Variants in ASAP2 observed in about 807,000 individuals in gnomAD.
The protein encoded by ASAP2 is ArfGAP with SH3 domain, ankyrin repeat and PH domain 2, also known as arf-GAP with SH3 domain, ANK repeat and PH domain-containing protein 2.
In ASAP2, 45 loss-of-function variants were observed where a neutral mutation model predicts 131.4. The observed-to-expected ratio is 0.34, with a 90% CI of 0.27 to 0.44. ASAP2 has a LOEUF of 0.44. Among genes scored for constraint, ASAP2 ranks in the 20% least tolerant of loss-of-function variants. The pLI is 1.00. For missense variants in ASAP2, 1,011 were observed against 1,297.0 expected, an observed-to-expected ratio of 0.78 and a Z score of 3.39; for synonymous variants, 510 against 503.0, an observed-to-expected ratio of 1.01 and a Z score of -0.19.
rs573291377 is a variant in ASAP2, at chr2:9,398,623, C to T, written c.2685-1400C>T. On this transcript the variant is annotated intron_variant, in intron 24 of 27. Coordinates refer to ENST00000281419, the MANE Select transcript of ASAP2 (RefSeq NM_003887.3). The stretch of plus-strand genomic sequence containing the variant: ...AGGAGTTTGAGACCAGCCTGGCCCA[C>T]ATGGTGAAACCCCGTCTCTACTGAA... 4.5e-4 allele frequency among the ~76,000 whole-genome samples: 68 copies of T among 152,206 alleles called. 2 individuals are homozygous for T. Among genetic ancestry groups the T allele is most frequent in the African/African-American group, 1.6e-3 (68 of 41,524 alleles).
At chr2:9,317,316 C>T (rs1294980847) in intron 3 of ASAP2, among the ~76,000 whole-genome samples, 1 of 111,330 alleles carries the variant, frequency 9.0e-6, no homozygotes, top group Non-Finnish European at 1.9e-5. Flanking sequence ...CCCACATCCA[C>T]TCACACAATC....
intron 1 of ASAP2, among the ~76,000 whole-genome samples, chr2:9,265,516 T>G (rs937580396): frequency 2.0e-5 from 3 of 152,218 alleles, no homozygotes; most frequent in Non-Finnish European, 4.4e-5. Context: ...TCATTTTCTT[T>G]AATTCGAAAA....
At chr2:9,245,472 T>A (rs1664275141) in intron 1 of ASAP2, among the ~76,000 whole-genome samples, 1 of 144,088 alleles carries the variant, frequency 6.9e-6, no homozygotes, top group Non-Finnish European at 1.5e-5. Flanking sequence ...GTCATACATT[T>A]ACTGTTGGTC....
At chr2:9,255,776 A>G (rs1457667765) in intron 1 of ASAP2, among the ~76,000 whole-genome samples, 1 of 152,224 alleles carries the variant, frequency 6.6e-6, no homozygotes, top group Non-Finnish European at 1.5e-5. Context: ...CAGTTGTTAA[A>G]AAGTTTTCTG....
intron 9 of ASAP2, among the ~76,000 whole-genome samples, chr2:9,343,641 C>G (rs1671751441): frequency 6.6e-6 from 1 of 152,146 alleles, no homozygotes; most frequent in African/African-American, 2.4e-5. Flanking sequence ...GAAACGAGGT[C>G]TTGCTATGTT....
At chr2:9,297,570 A>G (rs2148396088) in intron 3 of ASAP2, 125 bp downstream of exon 3, 3 of 1,199,394 alleles carry the variant, frequency 2.5e-6, no homozygotes, top group Middle Eastern at 2.0e-4. Context: ...ACCCAAAAGA[A>G]TTATGTTTTT....
chr2:9,265,723 G>A (rs185014821), intron 1 of ASAP2, among the ~76,000 whole-genome samples: 1 of 152,182 alleles, frequency 6.6e-6, no homozygotes, highest in Admixed American at 6.5e-5. Context: ...GTGTGTGTGT[G>A]TGTGTCTGTG....
chr2:9,317,233 A>G (rs1251561223), intron 3 of ASAP2, among the ~76,000 whole-genome samples: 2 of 148,640 alleles, frequency 1.3e-5, no homozygotes, highest in East Asian at 4.1e-4. Context: ...ACAATCACAC[A>G]ACCACACTCA....
At chr2:9,340,169 C>T (rs989697993) in intron 9 of ASAP2, among the ~76,000 whole-genome samples, 18 of 152,142 alleles carry the variant, frequency 1.2e-4, no homozygotes, top group Admixed American at 7.9e-4. Context: ...ATTACAGGTA[C>T]GCGCCACCAC....
intron 2 of ASAP2, among the ~76,000 whole-genome samples, chr2:9,288,975 A>G (rs1308548267): frequency 6.6e-6 from 1 of 152,116 alleles, no homozygotes; most frequent in East Asian, 1.9e-4. Context: ...CTGCTCCAAG[A>G]AGCCTTTTCT....
At chr2:9,209,275 T>C (rs925442764) in intron 1 of ASAP2, among the ~76,000 whole-genome samples, 4 of 152,254 alleles carry the variant, frequency 2.6e-5, no homozygotes, top group African/African-American at 9.6e-5. Flanking sequence ...CTTGGTTTTA[T>C]AACTAAATTT....
chr2:9,337,263 T>C (rs1410496019), intron 9 of ASAP2, among the ~76,000 whole-genome samples: 1 of 152,238 alleles, frequency 6.6e-6, no homozygotes, highest in East Asian at 1.9e-4. Context: ...CTGTGTATCA[T>C]GCTCTGCGTT....
Position 9,311,041 on chromosome 2 carries a change from C to CGG in ASAP2, c.346-7478_346-7477dup, listed in dbSNP as rs60794503. On this transcript the variant is annotated intron_variant, in intron 3 of 27. Coordinates refer to ENST00000281419, the MANE Select transcript of ASAP2 (RefSeq NM_003887.3). This position sits in a 1 kb window ranked among gnomAD's most constrained non-coding sequence, Gnocchi z 5.2. ...CTTGTCAGACATATCCAAGTGAACT[C>CGG]GGGGGGAAAAGCTAAGACAGGAAGT... is the stretch of plus-strand genomic sequence containing the variant. Among the ~76,000 whole-genome samples, 11 of 151,652 alleles carry CGG rather than the reference C, an allele frequency of 7.3e-5. No individual in the cohort carries two copies. The highest frequency in any genetic ancestry group is 2.1e-4 in the South Asian group (1 of 4,792).
At chr2:9,229,949 G>C (rs1418053638) in intron 1 of ASAP2, among the ~76,000 whole-genome samples, 1 of 152,182 alleles carries the variant, frequency 6.6e-6, no homozygotes, top group Non-Finnish European at 1.5e-5. Flanking sequence ...GGCTGGGGTA[G>C]AGATGTGTGT....
chr2:9,373,318 T>C (rs1354651204), intron 16 of ASAP2, among the ~76,000 whole-genome samples: 2 of 152,196 alleles, frequency 1.3e-5, no homozygotes, highest in Non-Finnish European at 2.9e-5. Flanking sequence ...GGGGCGTGAT[T>C]TCCTCTCCAG....
intron 9 of ASAP2, among the ~76,000 whole-genome samples, chr2:9,335,497 T>G (rs1031566205): frequency 2.0e-5 from 3 of 152,242 alleles, no homozygotes; most frequent in Non-Finnish European, 2.9e-5. Context: ...CTATTTATCC[T>G]GTACCTGGCC....
intron 4 of ASAP2, 91 bp downstream of exon 4, chr2:9,318,689 C>T (rs1011960296): frequency 7.5e-6 from 6 of 798,848 alleles, no homozygotes; most frequent in Non-Finnish European, 1.2e-5. Context: ...CACGCCAGTA[C>T]GTTCTCATTG....
At chr2:9,271,620 A>G (rs1666402809) in intron 1 of ASAP2, 3 of 1,092,100 alleles carry the variant, frequency 2.7e-6, no homozygotes, top group Non-Finnish European at 4.0e-6. Context: ...GGTTCTGGAT[A>G]GTGGACATAC....
intron 3 of ASAP2, among the ~76,000 whole-genome samples, chr2:9,313,686 G>A (rs536433090): frequency 7.9e-5 from 12 of 152,244 alleles, no homozygotes; most frequent in Non-Finnish European, 1.2e-4. Context: ...ATTGACCTGC[G>A]CCGGTGACTC....
Sources: allele counts gnomAD v4.1 joint callset (sites outside exome capture counted in the v4.1 genomes callset), GRCh38; gene constraint gnomAD v4.1.1; non-coding constraint Gnocchi (gnomAD v3.1); transcripts MANE v1.5; gene names NCBI Gene and HGNC (gene_info 2026-07-23, HGNC 2026-07-21).